Variants in ADAMTS6 observed in about 807,000 individuals in gnomAD.
ADAMTS6 encodes the protein ADAM metallopeptidase with thrombospondin type 1 motif 6.
ADAMTS6 carries 23 observed loss-of-function variants against 144.3 expected under a neutral mutation model. That is an observed-to-expected ratio of 0.16 (90% CI 0.11 to 0.23). The LOEUF is 0.23. ADAMTS6 is among the 10% of genes least tolerant of loss of function. ADAMTS6 has a pLI of 1.00. For missense variants in ADAMTS6, 999 were observed against 1,379.6 expected, an observed-to-expected ratio of 0.72 and a Z score of 4.37; for synonymous variants, 444 against 457.5, an observed-to-expected ratio of 0.97 and a Z score of 0.38.
chr5:65,226,060 A>G (rs1359109883), intron 16 of ADAMTS6, 26 bp downstream of exon 16: 1 of 1,585,242 alleles, frequency 6.3e-7, no homozygotes, highest in East Asian at 2.3e-5. Context: ...AAAAACCCCA[A>G]CAGAAAGGAG....
At chr5:65,315,297 G>A (rs952563880) in intron 9 of ADAMTS6, among the ~76,000 whole-genome samples, 7 of 151,604 alleles carry the variant, frequency 4.6e-5, no homozygotes, top group East Asian at 1.9e-4. Context: ...AATATATTTT[G>A]TATATAAAAT....
Position 65,453,907 on chromosome 5 carries a change from G to C in ADAMTS6, c.632-989C>G, listed in dbSNP as rs536073993. Among the ~76,000 whole-genome samples, 15 of 152,194 alleles carry C rather than the reference G, an allele frequency of 9.9e-5. No homozygotes were observed. In the East Asian group the frequency reaches 2.9e-3, roughly 29 times the overall value. ...GCCTTTCTGTTTTACAAATTGCATT[G>C]GTAGGTGCTATGGTTTGAATATCTC... On this transcript the variant is annotated intron_variant, in intron 4 of 24. Transcript: ENST00000381055.
At chr5:65,244,499 T>C (rs903008649) in intron 14 of ADAMTS6, among the ~76,000 whole-genome samples, 1 of 152,158 alleles carries the variant, frequency 6.6e-6, no homozygotes, top group Non-Finnish European at 1.5e-5. Flanking sequence ...TAACATTTCA[T>C]GACATTTTTG....
chr5:65,285,094 C>T (rs1763263623), intron 11 of ADAMTS6, among the ~76,000 whole-genome samples: 1 of 152,104 alleles, frequency 6.6e-6, no homozygotes, highest in South Asian at 2.1e-4. Context: ...TTATAAAAGC[C>T]TTTAATTTTC....
intron 2 of ADAMTS6, among the ~76,000 whole-genome samples, chr5:65,472,945 T>C (rs1760576971): frequency 6.6e-6 from 1 of 152,134 alleles, no homozygotes. Context: ...ATCCAAAAGG[T>C]ATGCCTCTCA....
At chr5:65,455,264 C>T (rs1448526206) in intron 4 of ADAMTS6, among the ~76,000 whole-genome samples, 1 of 152,182 alleles carries the variant, frequency 6.6e-6, no homozygotes, top group African/African-American at 2.4e-5. Context: ...GTATTCAGGT[C>T]GAGTGTGATG....
chr5:65,170,547 T>C, intron 24 of ADAMTS6, 70 bp downstream of exon 24: 2 of 1,551,394 alleles, frequency 1.3e-6, no homozygotes. Flanking sequence ...TTTACTGTGC[T>C]CTTCAGACCC....
chr5:65,152,837 T>C (rs2111942706), intron 24 of ADAMTS6, among the ~76,000 whole-genome samples: 1 of 152,324 alleles, frequency 6.6e-6, no homozygotes, highest in South Asian at 2.1e-4. Flanking sequence ...CACTTTTGTT[T>C]GGAGACTTTA....
intron 24 of ADAMTS6, among the ~76,000 whole-genome samples, chr5:65,154,662 A>G (rs1358977345): frequency 1.5e-4 from 23 of 152,154 alleles, no homozygotes; most frequent in Non-Finnish European, 2.9e-4. Flanking sequence ...TCTCCAAAAT[A>G]AAGACTATGA....
intron 22 of ADAMTS6, among the ~76,000 whole-genome samples, chr5:65,187,210 G>C (rs1172762072): frequency 6.6e-6 from 1 of 152,150 alleles, no homozygotes; most frequent in South Asian, 2.1e-4. Flanking sequence ...CCTTCTTTGG[G>C]AGATGTGGAA....
intron 7 of ADAMTS6, among the ~76,000 whole-genome samples, chr5:65,336,597 A>G (rs1469635474): frequency 2.0e-5 from 3 of 152,060 alleles, no homozygotes; most frequent in African/African-American, 7.2e-5. Context: ...TTCTGTCCCC[A>G]TAATATTTTC....
At chr5:65,439,417 C>T (rs1004067779) in intron 7 of ADAMTS6, among the ~76,000 whole-genome samples, 2 of 151,824 alleles carry the variant, frequency 1.3e-5, no homozygotes, top group African/African-American at 4.8e-5. Flanking sequence ...TTTGGAAAAC[C>T]CAGTATCAAA....
rs138575883 is a variant in ADAMTS6 at position 65,430,034 on chromosome 5, T to A, written c.1073+21441A>T. On this transcript the variant is annotated intron_variant, in intron 7 of 24. Transcript: ENST00000381055. ...AAATTTTGTCTACTCCAATAACATT[T>A]TTATCATTTCAGTAGATAATTTCAG... Among the ~76,000 whole-genome samples the A allele has an allele frequency of 9.9e-5, 15 of 152,214 alleles. No homozygotes were observed. In the East Asian group the frequency reaches 2.7e-3, roughly 27 times the overall value.
chr5:65,222,333 A>C (rs1757381941), intron 18 of ADAMTS6, among the ~76,000 whole-genome samples: 1 of 152,156 alleles, frequency 6.6e-6, no homozygotes, highest in Admixed American at 6.5e-5. Context: ...ATCTCTCACA[A>C]ATGTGTCAGG....
chr5:65,251,005 A>C (rs1241014324), intron 14 of ADAMTS6: 2 of 152,234 alleles, frequency 1.3e-5, no homozygotes, highest in Non-Finnish European at 2.9e-5. Context: ...GTATCCTCTT[A>C]GAACATTCTG....
intron 22 of ADAMTS6, among the ~76,000 whole-genome samples, chr5:65,178,672 C>G (rs1754135157): frequency 6.6e-6 from 1 of 152,176 alleles, no homozygotes; most frequent in African/African-American, 2.4e-5. Flanking sequence ...GCCCTGGCAG[C>G]AATGGTCCTG....
At chr5:65,384,507 T>C (rs951569438) in intron 7 of ADAMTS6, among the ~76,000 whole-genome samples, 9 of 152,182 alleles carry the variant, frequency 5.9e-5, no homozygotes, top group Non-Finnish European at 1.3e-4. Context: ...GAGATCATCT[T>C]TCCTCTAGTT....
At chr5:65,348,091 T>C (rs1225335061) in intron 7 of ADAMTS6, among the ~76,000 whole-genome samples, 1 of 151,946 alleles carries the variant, frequency 6.6e-6, no homozygotes, top group Non-Finnish European at 1.5e-5. Context: ...AAATTAGTAT[T>C]ATGGAAAACA....
chr5:65,211,271 C>T (rs1453771341), intron 20 of ADAMTS6, among the ~76,000 whole-genome samples: 1 of 152,148 alleles, frequency 6.6e-6, no homozygotes, highest in Non-Finnish European at 1.5e-5. Context: ...TTGATTCCTG[C>T]ACTCTATATC....
Sources: gnomAD v4.1 joint callset for allele counts (sites outside exome capture counted in the v4.1 genomes callset) on GRCh38, gnomAD v4.1.1 for gene constraint, MANE v1.5 for transcripts, NCBI Gene and HGNC (gene_info 2026-07-23, HGNC 2026-07-21) for gene names.